Variants in CPNE4 observed in about 807,000 individuals in gnomAD.
CPNE4 encodes the protein copine-4.
A neutral mutation model predicts 67.9 loss-of-function variants in CPNE4; 25 were observed. The observed-to-expected ratio is 0.37, with a 90% CI of 0.27 to 0.51. CPNE4 has a LOEUF of 0.51. CPNE4 is among the 20% of genes least tolerant of loss of function. The probability of loss-of-function intolerance (pLI) is 0.93; values close to 1 mark genes in which losing one functional copy is unlikely to be tolerated. For missense variants in CPNE4, 464 were observed against 690.8 expected (o/e 0.67, Z 3.68); for synonymous variants, 242 against 244.9 (o/e 0.99, Z 0.11).
chr3:132,002,177 G>A (rs1110053), intron 1 of CPNE4, among the ~76,000 whole-genome samples: 107,919 of 151,974 alleles, frequency 0.71, 39,414 homozygotes, highest in African/African-American at 0.82. Context: ...GTCCCCTTAT[G>A]TGCCCCATTT....
chr3:131,915,711 T>TTA (rs2089156526), intron 1 of CPNE4, among the ~76,000 whole-genome samples: 1 of 152,170 alleles, frequency 6.6e-6, no homozygotes, highest in South Asian at 2.1e-4. Flanking sequence ...TTCCTGAACT[T>TTA]TATAATTTGA....
At chr3:131,971,489 A>C (rs949234054) in intron 1 of CPNE4, among the ~76,000 whole-genome samples, 1 of 152,198 alleles carries the variant, frequency 6.6e-6, no homozygotes, top group Non-Finnish European at 1.5e-5. Flanking sequence ...TAGGTCCAAA[A>C]ACTCCAGTCA....
chr3:132,034,132 G>A (rs1245740435), intron 1 of CPNE4, among the ~76,000 whole-genome samples: 2 of 152,168 alleles, frequency 1.3e-5, no homozygotes, highest in Non-Finnish European at 2.9e-5. Context: ...GCCATTGGAA[G>A]GGACTACAAT....
intron 2 of CPNE4, among the ~76,000 whole-genome samples, chr3:131,818,282 C>T (rs1027601707): frequency 6.6e-6 from 1 of 152,142 alleles, no homozygotes; most frequent in African/African-American, 2.4e-5. Flanking sequence ...ACAGCCCATA[C>T]AGGGAAAAAT....
intron 1 of CPNE4, among the ~76,000 whole-genome samples, chr3:131,968,022 G>A (rs976891094): frequency 2.0e-5 from 3 of 151,992 alleles, no homozygotes; most frequent in Admixed American, 1.3e-4. Context: ...ATAGACCAAC[G>A]GAACAGAACA....
chr3:131,564,586 A>G (rs897894342), intron 10 of CPNE4, among the ~76,000 whole-genome samples: 1 of 151,958 alleles, frequency 6.6e-6, no homozygotes, highest in Non-Finnish European at 1.5e-5. Context: ...TCTCTGTTTA[A>G]TAGGAACTTG....
chr3:131,701,956 AAGG>A (rs1220738707), intron 3 of CPNE4, among the ~76,000 whole-genome samples: 2 of 152,178 alleles, frequency 1.3e-5, no homozygotes, highest in Non-Finnish European at 2.9e-5. Context: ...AAAGACAGGA[AAGG>A]AGATCACCAT....
chr3:131,935,088 G>A (rs1373958451), intron 1 of CPNE4, among the ~76,000 whole-genome samples: 1 of 152,110 alleles, frequency 6.6e-6, no homozygotes, highest in African/African-American at 2.4e-5. Context: ...TGGCATTACT[G>A]AGGGCCCAGA....
intron 1 of CPNE4, among the ~76,000 whole-genome samples, chr3:131,932,767 G>A (rs2071104867): frequency 2.0e-5 from 3 of 151,760 alleles, no homozygotes; most frequent in Admixed American, 6.6e-5. Context: ...AGAATGAAGA[G>A]CATGCACTGG....
intron 7 of CPNE4, among the ~76,000 whole-genome samples, chr3:131,620,661 G>A (rs939676793): frequency 6.6e-6 from 1 of 152,168 alleles, no homozygotes; most frequent in Admixed American, 6.5e-5. Flanking sequence ...ATAATTACAA[G>A]AGTCCTTATA....
At chr3:131,548,046 T>C (rs1490615192) in intron 14 of CPNE4, among the ~76,000 whole-genome samples, 5 of 152,180 alleles carry the variant, frequency 3.3e-5, no homozygotes, top group Non-Finnish European at 1.5e-5. Context: ...ATGAGATGTA[T>C]GGAAGGGCCA....
At chr3:131,916,778 ATTTTTAATTAACT>A (rs1198852877) in intron 1 of CPNE4, among the ~76,000 whole-genome samples, 3 of 152,164 alleles carry the variant, frequency 2.0e-5, no homozygotes, top group Non-Finnish European at 4.4e-5. Context: ...GAGGAGATAT[ATTTTTAATTAACT>A]TTTTTAATTT....
intron 1 of CPNE4, among the ~76,000 whole-genome samples, chr3:132,027,482 A>G (rs2074137293): frequency 1.3e-5 from 2 of 149,024 alleles, no homozygotes; most frequent in South Asian, 4.4e-4. Context: ...CAAAAAATCA[A>G]CTATTTCCAC....
rs554166260 is a variant in CPNE4 at position 131,851,096 on chromosome 3, A to G, written c.180+54168T>C. ...GTACTGAAAAAATGTGCATTGCATCATAGCATTTATATGATATTTTAGATT... is the reference window on the plus strand; with the variant it reads ...GTACTGAAAAAATGTGCATTGCATCGTAGCATTTATATGATATTTTAGATT... On this transcript the variant is annotated intron_variant, in intron 2 of 15. Coordinates refer to ENST00000429747, the MANE Select transcript of CPNE4 (RefSeq NM_130808.3). Among the ~76,000 whole-genome samples the G allele has an allele frequency of 9.0e-5, 8 of 89,192 alleles. No homozygotes were observed. The Admixed American group carries it at 1.1e-3, about 12-fold the overall frequency. 58.5% of individuals were successfully genotyped at this position (89,192 alleles called of 152,430 possible). A position where few individuals can be genotyped will look rare whatever the true frequency, so the allele number is the denominator to read the frequency against.
chr3:131,995,616 A>G (rs2073272471), intron 1 of CPNE4, among the ~76,000 whole-genome samples: 1 of 152,206 alleles, frequency 6.6e-6, no homozygotes, highest in Non-Finnish European at 1.5e-5. Context: ...CCTGAAAGCC[A>G]GTAAAATGAA....
At chr3:131,766,841 T>C (rs1029003639) in intron 2 of CPNE4, among the ~76,000 whole-genome samples, 1 of 152,164 alleles carries the variant, frequency 6.6e-6, no homozygotes, top group African/African-American at 2.4e-5. Flanking sequence ...TCATAATACA[T>C]TTTACAATCA....
chr3:131,960,671 C>G (rs983639986), intron 1 of CPNE4, among the ~76,000 whole-genome samples: 8 of 152,176 alleles, frequency 5.3e-5, no homozygotes, highest in African/African-American at 1.9e-4. Context: ...ACTGACTTAG[C>G]TGGTCTGAAG....
intron 1 of CPNE4, among the ~76,000 whole-genome samples, chr3:131,926,143 T>C (rs1009484292): frequency 1.3e-5 from 2 of 152,070 alleles, no homozygotes; most frequent in Non-Finnish European, 2.9e-5. Flanking sequence ...GAATTAACCA[T>C]GGAGAATTTA....
chr3:131,862,541 T>C (rs1221763748), intron 2 of CPNE4, among the ~76,000 whole-genome samples: 1 of 152,088 alleles, frequency 6.6e-6, no homozygotes, highest in African/African-American at 2.4e-5. Flanking sequence ...CTAAAATTCT[T>C]ATATGACATT....
Sources: gnomAD v4.1 joint callset for allele counts (sites outside exome capture counted in the v4.1 genomes callset) on GRCh38, gnomAD v4.1.1 for gene constraint, MANE v1.5 for transcripts, NCBI Gene and HGNC (gene_info 2026-07-23, HGNC 2026-07-21) for gene names.